ZNF331: variants seen among roughly 807,000 people sequenced by gnomAD.
ZNF331 encodes the protein C2H2-like zinc finger protein rearranged in thyroid adenomas.
A neutral mutation model predicts 7.0 loss-of-function variants in ZNF331; 2 were observed. The ratio of observed to expected loss-of-function variants is 0.29; its 90% CI spans 0.12 to 0.90. ZNF331 has a LOEUF of 0.90. ZNF331 is among the 40% of genes least tolerant of loss of function. ZNF331 has a pLI of 0.58. For synonymous variants in ZNF331, 196 were observed against 205.4 expected (o/e 0.95, Z 0.39); for missense variants, 432 against 587.7 (o/e 0.74, Z 2.74).
chr19:53,507,415 G>A, the ZNF331 span, among the ~76,000 whole-genome samples: 1 of 152,192 alleles, frequency 6.6e-6, no homozygotes, highest in Admixed American at 6.5e-5. Context: ...CCTTGCTTAT[G>A]ACACAGAAAT....
chr19:53,552,365 C>T (rs894010396), intron 2 of ZNF331, among the ~76,000 whole-genome samples: 3 of 152,066 alleles, frequency 2.0e-5, no homozygotes, highest in African/African-American at 7.2e-5. Flanking sequence ...CTGAAAGTTC[C>T]TTTTAGTTAG....
chr19:53,525,032 C>T (rs1027103403), intron 2 of ZNF331, among the ~76,000 whole-genome samples: 1 of 152,166 alleles, frequency 6.6e-6, no homozygotes, highest in African/African-American at 2.4e-5. Context: ...ATCCTTTCCC[C>T]ATTTCTTGTT....
rs1311304669 is a variant in ZNF331, at chr19:53,577,403, T to G, written c.843T>G (p.Ile281Met). The G allele has an allele frequency of 6.2e-7, 1 of 1,614,122 alleles. No homozygotes were observed. ...YECKDCGKAFICGSSLIQHKR... is the reference protein window; with the variant it reads ...YECKDCGKAFMCGSSLIQHKR... ...GTAAAGACTGTGGGAAGGCTTTTATTTGTGGTTCAAGCCTCATTCAGCATA... is the reference window on the plus strand; with the variant it reads ...GTAAAGACTGTGGGAAGGCTTTTATGTGTGGTTCAAGCCTCATTCAGCATA... Residue 281 changes from isoleucine to methionine, a missense_variant, in exon 6 of 6, where the codon ATT (isoleucine) becomes ATG (methionine). Ile to Met is a conservative substitution (Grantham distance 10). Around this residue, in one of 3 missense-constraint regions of ZNF331, gnomAD observed 312 missense variants for 448.6 expected, o/e 0.70. Transcript: ENST00000449416.
chr19:53,559,325 CATAT>C (rs1428616559), intron 3 of ZNF331, among the ~76,000 whole-genome samples: 1 of 150,610 alleles, frequency 6.6e-6, no homozygotes, highest in Non-Finnish European at 1.5e-5. Flanking sequence ...TACACACCTA[CATAT>C]AGAGACACAC....
intron 3 of ZNF331, among the ~76,000 whole-genome samples, chr19:53,565,351 A>C (rs2090100882): frequency 6.6e-6 from 1 of 152,050 alleles, no homozygotes; most frequent in South Asian, 2.1e-4. Flanking sequence ...TACCTTAGGT[A>C]ATTTTTTTCC....
At position 53,568,740 on chromosome 19, in the gene ZNF331, C is replaced by T. The variant is rs76493108; in HGVS notation, c.-73-564C>T. Among the ~76,000 whole-genome samples, 933 of 150,982 alleles carry T rather than the reference C, an allele frequency of 6.2e-3. 36 individuals carry two copies. The East Asian group carries it at 0.093, about 15-fold the overall frequency. On this transcript the variant is annotated intron_variant, in intron 3 of 5. Coordinates refer to ENST00000449416, the MANE Select transcript of ZNF331 (RefSeq NM_001079906.2). ...GAGCCCTCCTGTTAAATTGTCTGGG[C>T]CTGTCTTTGAGGCGCAAAAAAAAAA...
chr19:53,535,362 G>T (rs1265104221), upstream of ZNF331, among the ~76,000 whole-genome samples: 1 of 152,114 alleles, frequency 6.6e-6, no homozygotes, highest in Non-Finnish European at 1.5e-5. Flanking sequence ...AAAGTGCTGG[G>T]GTTACAGGTG....
At chr19:53,533,403 C>T (rs752734135), upstream of ZNF331, among the ~76,000 whole-genome samples, 39 of 152,058 alleles carry the variant, frequency 2.6e-4, no homozygotes, top group Middle Eastern at 3.2e-3. Flanking sequence ...GTTATTTGGC[C>T]TAATATGTTA....
chr19:53,526,576 C>T lies in ZNF331; in HGVS notation c.-205+3892C>T, dbSNP rs375541090. On this transcript the variant is annotated intron_variant, in intron 2 of 6. Coordinates refer to the ZNF331 transcript ENST00000253144. Reference sequence around the variant, plus strand: ...TTTTTTTTTTCTTTTTTTTTTGAGACGGAGTCTCGCCCTGTCACCAGGCTG... The same window carrying T: ...TTTTTTTTTTCTTTTTTTTTTGAGATGGAGTCTCGCCCTGTCACCAGGCTG... Among the ~76,000 whole-genome samples, 36 of 149,578 alleles carry T rather than the reference C, an allele frequency of 2.4e-4. 2 individuals are homozygous for T. The highest frequency in any genetic ancestry group is 8.7e-4 in the Admixed American group (13 of 15,028).
chr19:53,509,624 G>C, the ZNF331 span, among the ~76,000 whole-genome samples: 1 of 152,210 alleles, frequency 6.6e-6, no homozygotes, highest in Non-Finnish European at 1.5e-5. Flanking sequence ...CAGGAGAGCA[G>C]AGTAGCAGGA....
At chr19:53,567,008 T>G (rs2147612417) in intron 3 of ZNF331, among the ~76,000 whole-genome samples, 1 of 152,290 alleles carries the variant, frequency 6.6e-6, no homozygotes, top group East Asian at 1.9e-4. Context: ...TGTGTGTGTG[T>G]ATTTTTATAT....
the ZNF331 span, among the ~76,000 whole-genome samples, chr19:53,504,544 T>A: frequency 1.4e-4 from 22 of 152,026 alleles, no homozygotes; most frequent in South Asian, 2.1e-4. Context: ...AACGTAAACG[T>A]TATAAGAAAG....
chr19:53,535,419 A>G (rs2087709141), upstream of ZNF331, among the ~76,000 whole-genome samples: 1 of 152,168 alleles, frequency 6.6e-6, no homozygotes, highest in African/African-American at 2.4e-5. Context: ...CCATCTAAAG[A>G]TAATTACTGT....
At chr19:53,552,490 G>A (rs1159412889) in intron 2 of ZNF331, among the ~76,000 whole-genome samples, 1 of 151,992 alleles carries the variant, frequency 6.6e-6, no homozygotes, top group African/African-American at 2.4e-5. Flanking sequence ...AGGCCAAGGA[G>A]GCAGATTGCT....
the ZNF331 span, among the ~76,000 whole-genome samples, chr19:53,505,300 T>C: frequency 6.6e-6 from 1 of 152,162 alleles, no homozygotes; most frequent in African/African-American, 2.4e-5. Flanking sequence ...TTTTTGTTTT[T>C]GTTTTTAGAT....
In ZNF331 at chr19:53,576,996, C is replaced by T. The variant is rs2090755022; in HGVS notation, c.436C>T (p.Leu146Phe). 1.9e-6 allele frequency: 3 copies of T among 1,613,488 alleles called. No individual in the cohort carries two copies. Among genetic ancestry groups the T allele is most frequent in the Admixed American group, 1.7e-5 (1 of 59,952 alleles). ...GAAGGCCTTTAGTCGTGGCTATCAA[C>T]TTAGTCAACATCAGAAAATCCATAC... ...CGKAFSRGYQ[L>F]SQHQKIHTGE... Residue 146 changes from leucine to phenylalanine, a missense_variant, in exon 6 of 6, where the codon CTT becomes TTT. Physicochemically the swap from Leu to Phe is conservative, Grantham distance 22. This residue lies in a region of ZNF331 where 312 missense variants were observed against 448.6 expected (regional missense o/e 0.70). Coordinates refer to ENST00000449416, the MANE Select transcript of ZNF331 (RefSeq NM_001079906.2).
the ZNF331 span, among the ~76,000 whole-genome samples, chr19:53,506,310 G>A: frequency 8.4e-6 from 1 of 119,304 alleles, no homozygotes; most frequent in Non-Finnish European, 1.8e-5. Context: ...ACTCCAGCCT[G>A]GGCGACAGAG....
intron 5 of ZNF331, among the ~76,000 whole-genome samples, chr19:53,576,287 C>CTT (rs1288579133): frequency 6.6e-6 from 1 of 152,184 alleles, no homozygotes; most frequent in African/African-American, 2.4e-5. Context: ...ACTCCCGGCC[C>CTT]TTTACCAGTT....
chr19:53,542,740 AT>A (rs59009226), intron 2 of ZNF331, among the ~76,000 whole-genome samples: 13,492 of 152,246 alleles, frequency 0.089, 751 homozygotes, highest in African/African-American at 0.16. Context: ...AATGAATTTC[AT>A]TCTTAACATC....
Sources: allele counts gnomAD v4.1 joint callset (sites outside exome capture counted in the v4.1 genomes callset), GRCh38; gene constraint gnomAD v4.1.1; regional missense constraint gnomAD v4.1.1; transcripts MANE v1.5; gene names NCBI Gene and HGNC (gene_info 2026-07-23, HGNC 2026-07-21).